OPCML: variants seen among roughly 807,000 people sequenced by gnomAD.
OPCML encodes opioid-binding protein/cell adhesion molecule.
Under a neutral mutation model 37.8 loss-of-function variants are expected in OPCML, and 13 were observed. The observed-to-expected ratio is 0.34, with a 90% CI of 0.22 to 0.55. The LOEUF (loss-of-function observed/expected upper bound fraction) is 0.55. Among genes scored for constraint, OPCML ranks in the 20% least tolerant of loss-of-function variants. The probability of loss-of-function intolerance (pLI) is 0.91; values close to 1 mark genes in which losing one functional copy is unlikely to be tolerated. For synonymous variants in OPCML, 176 were observed against 168.8 expected, an observed-to-expected ratio of 1.04 and a Z score of -0.33; for missense variants, 341 against 435.6, an observed-to-expected ratio of 0.78 and a Z score of 1.93.
intron 2 of OPCML, among the ~76,000 whole-genome samples, chr11:132,778,863 T>A (rs1251588176): frequency 6.6e-6 from 1 of 152,100 alleles, no homozygotes; most frequent in Non-Finnish European, 1.5e-5. Flanking sequence ...CCAATATAAC[T>A]TTTGACAAAA....
Position 133,393,203 on chromosome 11 carries a change from T to C in OPCML, c.61+139061A>G, listed in dbSNP as rs76759884. On this transcript the variant is annotated intron_variant, in intron 1 of 7. Transcript: ENST00000524381. ...AGCTACATTCAGGCACAAGTTACAG[T>C]GCCACTGCGTGTGAGTTCAATTTAA... is the stretch of plus-strand genomic sequence containing the variant. Among the ~76,000 whole-genome samples the C allele has an allele frequency of 1.4e-3, 207 of 152,330 alleles. 1 individual carries two copies. The highest frequency in any genetic ancestry group is 4.8e-3 in the African/African-American group (201 of 41,584).
intron 1 of OPCML, chr11:133,420,941 T>G: frequency 1.0e-6 from 1 of 985,346 alleles, no homozygotes; most frequent in Non-Finnish European, 1.2e-6. Flanking sequence ...TAATTGGTCT[T>G]GAAAATGAGA....
At chr11:132,897,159 T>C (rs1026115145) in intron 2 of OPCML, among the ~76,000 whole-genome samples, 1 of 152,208 alleles carries the variant, frequency 6.6e-6, no homozygotes, top group African/African-American at 2.4e-5. Flanking sequence ...CAGTGGCAGA[T>C]AGCGATGCTG....
intron 1 of OPCML, among the ~76,000 whole-genome samples, chr11:133,332,013 T>C (rs1943630504): frequency 6.6e-6 from 1 of 152,220 alleles, no homozygotes; most frequent in South Asian, 2.1e-4. Flanking sequence ...AATCTGTAAA[T>C]TGCTTTGGAA....
chr11:133,321,469 G>C (rs559402130), intron 1 of OPCML, among the ~76,000 whole-genome samples: 1 of 152,130 alleles, frequency 6.6e-6, no homozygotes, highest in Non-Finnish European at 1.5e-5. Flanking sequence ...CAGGAGTCTG[G>C]GGGGACAGAC....
chr11:132,895,759 G>GA (rs1202822181), intron 2 of OPCML, among the ~76,000 whole-genome samples: 1 of 152,132 alleles, frequency 6.6e-6, no homozygotes, highest in East Asian at 1.9e-4. Flanking sequence ...CAGCCTCCAT[G>GA]AGGCAGTTGC....
intron 1 of OPCML, among the ~76,000 whole-genome samples, chr11:133,417,506 T>C (rs1945794203): frequency 6.6e-6 from 1 of 152,066 alleles, no homozygotes; most frequent in South Asian, 2.1e-4. Context: ...TATTATACTT[T>C]AAGTTCTAGG....
At position 133,161,062 on chromosome 11, in the gene OPCML, C is replaced by A. The variant is rs567912793; in HGVS notation, c.62-218052G>T. Among the ~76,000 whole-genome samples the A allele has an allele frequency of 3.9e-5, 6 of 152,286 alleles. No homozygotes were observed. In the East Asian group the frequency reaches 1.2e-3, roughly 29 times the overall value. On this transcript the variant is annotated intron_variant, in intron 1 of 7. Transcript: ENST00000524381. Reference sequence around the variant, plus strand: ...CCGAATGGGAATTTCACAACTCCTGCCTTACCTTTCTCTTTATCTCTTAAT... The same window carrying A: ...CCGAATGGGAATTTCACAACTCCTGACTTACCTTTCTCTTTATCTCTTAAT...
intron 2 of OPCML, among the ~76,000 whole-genome samples, chr11:132,833,218 A>G (rs1321371688): frequency 6.6e-6 from 1 of 152,212 alleles, no homozygotes; most frequent in Non-Finnish European, 1.5e-5. Flanking sequence ...AGCTGTACAT[A>G]TATTTCCTTT....
intron 2 of OPCML, among the ~76,000 whole-genome samples, chr11:132,877,069 C>T (rs1943047768): frequency 1.3e-5 from 2 of 152,094 alleles, no homozygotes; most frequent in Admixed American, 1.3e-4. Flanking sequence ...GTTAAGCTGC[C>T]CAATCACTTC....
intron 2 of OPCML, among the ~76,000 whole-genome samples, chr11:132,896,412 T>C (rs1943846450): frequency 1.3e-5 from 2 of 152,174 alleles, no homozygotes; most frequent in African/African-American, 2.4e-5. Context: ...TTAAATGCAA[T>C]GGGAGTAATT....
In OPCML at chr11:133,138,599, A is replaced by G. The variant is rs142821720; in HGVS notation, c.62-195589T>C. Among the ~76,000 whole-genome samples the G allele has an allele frequency of 3.7e-3, 559 of 152,344 alleles. 1 individual carries two copies. Among genetic ancestry groups the G allele is most frequent in the Non-Finnish European group, 5.6e-3 (384 of 68,032 alleles). ...TGTTTGTAAATCCATGGTAATGAACATGCCTTCCATAGCCATTCCCATTAT... is the reference window on the plus strand; with the variant it reads ...TGTTTGTAAATCCATGGTAATGAACGTGCCTTCCATAGCCATTCCCATTAT... On this transcript the variant is annotated intron_variant, in intron 1 of 7. Transcript: ENST00000524381.
intron 1 of OPCML, among the ~76,000 whole-genome samples, chr11:133,490,618 G>A (rs1947634568): frequency 6.6e-6 from 1 of 152,164 alleles, no homozygotes; most frequent in Non-Finnish European, 1.5e-5. Flanking sequence ...GGAGATATAA[G>A]TGAGACCATG....
intron 3 of OPCML, among the ~76,000 whole-genome samples, chr11:132,629,895 T>C (rs1939987098): frequency 6.6e-6 from 1 of 152,180 alleles, no homozygotes; most frequent in South Asian, 2.1e-4. Flanking sequence ...AGAATAGATA[T>C]TTTGAAATCT....
rs1950151273 is a variant in OPCML at position 133,162,126 on chromosome 11, A to G, written c.62-219116T>C. On this transcript the variant is annotated intron_variant, in intron 1 of 7. Transcript: ENST00000524381. ...AACACTACTCAGTTCACTATCAACC[A>G]TGCCTAGATCTTGGCAGGGCAGGGG... 2.0e-5 allele frequency among the ~76,000 whole-genome samples: 3 copies of G among 151,328 alleles called. No individual in the cohort carries two copies. The Admixed American group carries it at 2.0e-4, about 10-fold the overall frequency.
intron 2 of OPCML, among the ~76,000 whole-genome samples, chr11:132,742,010 C>G (rs1448460506): frequency 6.8e-6 from 1 of 147,184 alleles, no homozygotes. Context: ...GCCTGGGCAA[C>G]AAGAGCAAAA....
intron 2 of OPCML, among the ~76,000 whole-genome samples, chr11:132,775,534 G>A (rs1262396268): frequency 1.3e-5 from 2 of 152,154 alleles, no homozygotes; most frequent in African/African-American, 4.8e-5. Flanking sequence ...TCTGACACCT[G>A]AGCCTCCCTG....
In OPCML at chr11:132,605,013, T is replaced by C. The variant is rs80271858; in HGVS notation, c.379+52074A>G. 3.7e-4 allele frequency among the ~76,000 whole-genome samples: 57 copies of C among 152,272 alleles called. No individual in the cohort carries two copies. The East Asian group carries it at 7.3e-3, about 20-fold the overall frequency. ...AGTAAAAATTAATCTGGCCCTGACA[T>C]GCAGAGGGTTTAGAATGGTGGAAAG... On this transcript the variant is annotated intron_variant, in intron 3 of 7. Transcript: ENST00000524381.
At chr11:132,441,165 G>GTTTTTTTTTTGTTTTT (rs2096031953) in intron 4 of OPCML, among the ~76,000 whole-genome samples, 4 of 72,402 alleles carry the variant, frequency 5.5e-5, no homozygotes, top group African/African-American at 3.3e-4. Flanking sequence ...GGACTTTTTT[G>GTTTTTTTTTTGTTTTT]TTTTTTTTTT....
Sources: gnomAD v4.1 joint callset for allele counts (sites outside exome capture counted in the v4.1 genomes callset) on GRCh38, gnomAD v4.1.1 for gene constraint, MANE v1.5 for transcripts, NCBI Gene and HGNC (gene_info 2026-07-23, HGNC 2026-07-21) for gene names.